The following CCDC38 variants were observed in gnomAD, a reference collection of about 807,000 sequenced individuals.
CCDC38 encodes coiled-coil domain containing 38.
In CCDC38, 69 loss-of-function variants were observed where a neutral mutation model predicts 72.8. That is an observed-to-expected ratio of 0.95 (90% CI 0.78 to 1.16). The LOEUF (loss-of-function observed/expected upper bound fraction) is 1.16. Among genes scored for constraint, CCDC38 ranks in the 50% most tolerant of loss-of-function variants. CCDC38 has a pLI of 0.00. For missense variants in CCDC38, 626 were observed against 638.9 expected, an observed-to-expected ratio of 0.98 and a Z score of 0.22; for synonymous variants, 201 against 213.2, an observed-to-expected ratio of 0.94 and a Z score of 0.50.
intron 15 of CCDC38, among the ~76,000 whole-genome samples, chr12:95,868,444 A>G (rs982520137): frequency 4.6e-5 from 7 of 152,328 alleles, no homozygotes; most frequent in Admixed American, 6.5e-5. Context: ...GTCTTCATGG[A>G]AAGAATTGAA....
chr12:95,919,624 C>T (rs1476623098), intron 2 of CCDC38: 2 of 455,992 alleles, frequency 4.4e-6, no homozygotes, highest in South Asian at 1.5e-5. Context: ...GCTCTTACTG[C>T]TTCATGAGGA....
chr12:95,872,217 G>C, intron 14 of CCDC38, 38 bp downstream of exon 14: 1 of 1,583,342 alleles, frequency 6.3e-7, no homozygotes, highest in South Asian at 1.1e-5. Context: ...AGCAAAACCA[G>C]CTACTCATTA....
intron 2 of CCDC38, among the ~76,000 whole-genome samples, chr12:95,928,014 G>A (rs2080292122): frequency 6.8e-6 from 1 of 146,842 alleles, no homozygotes; most frequent in South Asian, 2.2e-4. Flanking sequence ...ACAATTATGT[G>A]TCTTGGAGTT....
At chr12:95,935,454 G>A in intron 2 of CCDC38, 1 of 199,132 alleles carries the variant, frequency 5.0e-6, no homozygotes. Flanking sequence ...CAAGAACATA[G>A]CCCAGGAACA....
At chr12:95,908,066 T>C (rs998532110) in intron 4 of CCDC38, among the ~76,000 whole-genome samples, 1 of 152,066 alleles carries the variant, frequency 6.6e-6, no homozygotes, top group Non-Finnish European at 1.5e-5. Flanking sequence ...GGGTGGCGGC[T>C]GGGCAGAGGC....
At chr12:95,891,042 C>T (rs533772885) in intron 8 of CCDC38, 112 bp from the exon 9 acceptor site, 3 of 601,364 alleles carry the variant, frequency 5.0e-6, no homozygotes, top group Admixed American at 5.7e-5. Flanking sequence ...TCAAAACTTC[C>T]AGGGACAGAA....
chr12:95,914,470 C>G (rs1370625797), intron 4 of CCDC38, among the ~76,000 whole-genome samples: 2 of 152,148 alleles, frequency 1.3e-5, no homozygotes, highest in African/African-American at 4.8e-5. Flanking sequence ...CATTTATTGC[C>G]ACCCTCCTTA....
At chr12:95,943,172 A>G (rs1351644301), upstream of CCDC38, 2 of 503,010 alleles carry the variant, frequency 4.0e-6, no homozygotes, top group Non-Finnish European at 6.9e-6. Flanking sequence ...ACGACCAAAA[A>G]AGAGAGGATT....
chr12:95,867,138 G>C lies in CCDC38; in HGVS notation c.1630C>G (p.Gln544Glu), dbSNP rs887302108. 3.7e-6 allele frequency: 6 copies of C among 1,609,468 alleles called. No individual in the cohort carries two copies. In the African/African-American group the frequency reaches 4.0e-5, roughly 11 times the overall value. Reference sequence around the variant, plus strand: ...TTTGTTTCATTGACTAAAGGTAGCTGCTGTTTGTTACCAGATGGAGGTTTT... The same window carrying C: ...TTTGTTTCATTGACTAAAGGTAGCTCCTGTTTGTTACCAGATGGAGGTTTT... ...HSKPPSGNKQ[Q>E]LPLVNETKTK... The change falls in exon 16 of 16, where the codon CAG (glutamine) becomes GAG (glutamate). Residue 544 changes from glutamine (Q) to glutamate (E), a missense_variant. Gln to Glu is a conservative substitution (Grantham distance 29). Coordinates refer to ENST00000344280, the MANE Select transcript of CCDC38 (RefSeq NM_182496.3).
chr12:95,877,274 T>C (rs1290690542), intron 13 of CCDC38, among the ~76,000 whole-genome samples: 1 of 149,472 alleles, frequency 6.7e-6, no homozygotes, highest in Non-Finnish European at 1.5e-5. Context: ...ATCACTCATG[T>C]CTTTAGATGA....
chr12:95,876,093 T>C (rs891060140), intron 13 of CCDC38, among the ~76,000 whole-genome samples: 1 of 152,222 alleles, frequency 6.6e-6, no homozygotes, highest in Non-Finnish European at 1.5e-5. Context: ...GGTATAAACA[T>C]ACAATGGAAT....
At chr12:95,890,648 A>C (rs2079814274) in intron 9 of CCDC38, among the ~76,000 whole-genome samples, 184 bp downstream of exon 9, 1 of 151,836 alleles carries the variant, frequency 6.6e-6, no homozygotes, top group South Asian at 2.1e-4. Context: ...TATTCTATCC[A>C]CTCGTGCACC....
intron 10 of CCDC38, among the ~76,000 whole-genome samples, chr12:95,884,568 A>G (rs931516534): frequency 2.0e-5 from 3 of 152,252 alleles, no homozygotes; most frequent in Non-Finnish European, 4.4e-5. Context: ...TTAAAGCAAC[A>G]GTAACTTATT....
intron 3 of CCDC38, 67 bp from the exon 4 acceptor site, chr12:95,917,361 T>G: frequency 1.6e-6 from 2 of 1,263,620 alleles, no homozygotes; most frequent in Non-Finnish European, 2.2e-6. Context: ...AAATTAGTGA[T>G]TATATATAAA....
chr12:95,871,704 G>A (rs7977565), intron 14 of CCDC38, among the ~76,000 whole-genome samples: 7,992 of 43,924 alleles, frequency 0.18, 422 homozygotes, highest in African/African-American at 0.35. Context: ...GTACATGTTG[G>A]CAGTTATACA....
chr12:95,940,976 A>G (rs1265369413), intron 1 of CCDC38, among the ~76,000 whole-genome samples: 1 of 152,224 alleles, frequency 6.6e-6, no homozygotes, highest in Non-Finnish European at 1.5e-5. Context: ...AAAGTATTTT[A>G]TAAGAGCTGC....
rs2079783147 is a variant in CCDC38, at chr12:95,888,353, C to A, written c.920+105G>T. On this transcript the variant is annotated intron_variant, in intron 10 of 15. Coordinates refer to ENST00000344280, the MANE Select transcript of CCDC38 (RefSeq NM_182496.3). The stretch of plus-strand genomic sequence containing the variant: ...GCACCACTACTTCCAGGATCTCTTA[C>A]AACAGTTATGGGTACATGACATATA... The A allele has an allele frequency of 6.0e-6, 6 of 995,416 alleles. No homozygotes were observed. The South Asian group carries it at 7.1e-5, about 12-fold the overall frequency. 61.7% of individuals were successfully genotyped at this position (995,416 alleles called of 1,614,324 possible).
chr12:95,896,684 C>T (rs759135577), intron 7 of CCDC38: 6 of 152,220 alleles, frequency 3.9e-5, no homozygotes, highest in Non-Finnish European at 7.3e-5. Flanking sequence ...CAAGCAAAAG[C>T]TTCAGAAGAT....
chr12:95,867,310 A>G (rs1395869593), intron 15 of CCDC38, 121 bp from the exon 16 acceptor site: 2 of 647,736 alleles, frequency 3.1e-6, no homozygotes, highest in Admixed American at 2.9e-5. Context: ...TGTAACATTA[A>G]CTAATCACAG....
Sources: allele counts gnomAD v4.1 joint callset (sites outside exome capture counted in the v4.1 genomes callset), GRCh38; gene constraint gnomAD v4.1.1; transcripts MANE v1.5; gene names NCBI Gene and HGNC (gene_info 2026-07-23, HGNC 2026-07-21).